Variants in CENPU observed in about 807,000 individuals in gnomAD.
CENPU encodes the protein centromere protein U.
A neutral mutation model predicts 56.7 loss-of-function variants in CENPU; 46 were observed. The observed-to-expected ratio is 0.81, with a 90% CI of 0.64 to 1.04. CENPU has a LOEUF of 1.04. CENPU is among the 50% of genes least tolerant of loss of function. The pLI is 0.00. For synonymous variants in CENPU, 166 were observed against 163.0 expected (o/e 1.02, Z -0.14); for missense variants, 510 against 490.1 (o/e 1.04, Z -0.38).
rs184642857 is a variant in CENPU, at chr4:184,721,754, G to A, written c.320+3203C>T. On this transcript the variant is annotated intron_variant, in intron 4 of 12. Coordinates refer to ENST00000281453, the MANE Select transcript of CENPU (RefSeq NM_024629.4). ...ACACTGGAACACCCAGATAGATGAA[G>A]CTAATATTAGAGCTAAAGGGAGAGA... is the stretch of plus-strand genomic sequence containing the variant. 3.0e-4 allele frequency among the ~76,000 whole-genome samples: 45 copies of A among 152,226 alleles called. No individual in the cohort carries two copies. In the East Asian group the frequency reaches 8.7e-3, roughly 29 times the overall value.
In CENPU at chr4:184,734,009, T is replaced by A; in HGVS notation, c.47+7A>T. 6.2e-7 allele frequency: 1 copy of A among 1,608,520 alleles called. No homozygotes were observed. Among genetic ancestry groups the A allele is most frequent in the Admixed American group, 1.7e-5 (1 of 59,430 alleles). Reference sequence around the variant, plus strand: ...GCCCCGCGCTCCCGAGGGTCGGCAGTACTTACCCCTCAGACCTGTGAGGCC... The same window carrying A: ...GCCCCGCGCTCCCGAGGGTCGGCAGAACTTACCCCTCAGACCTGTGAGGCC... On this transcript the variant is annotated splice_region_variant and intron_variant, in intron 1 of 12. Transcript: ENST00000281453.
At chr4:184,722,689 TAAAAACAAAA>T (rs1037378992) in intron 4 of CENPU, among the ~76,000 whole-genome samples, 1 of 139,414 alleles carries the variant, frequency 7.2e-6, no homozygotes, top group Non-Finnish European at 1.6e-5. Flanking sequence ...GATGAACCAG[TAAAAACAAAA>T]CAAAACAAAA....
intron 2 of CENPU, among the ~76,000 whole-genome samples, chr4:184,729,894 T>C (rs1018705347): frequency 2.6e-5 from 4 of 152,222 alleles, no homozygotes; most frequent in Non-Finnish European, 4.4e-5. Context: ...AAGGGTACTA[T>C]TAACAGATAC....
chr4:184,694,089 G>T lies in CENPU; in HGVS notation c.*1199C>A. 3.6e-6 allele frequency: 1 copy of T among 274,250 alleles called. No individual in the cohort carries two copies. The highest frequency in any genetic ancestry group is 5.6e-6 in the Non-Finnish European group (1 of 179,936). The allele number at this position is 274,250 out of a possible 1,614,324, so 17.0% of individuals were successfully genotyped here. A position where few individuals can be genotyped will look rare whatever the true frequency, so the allele number is the denominator to read the frequency against. ...GTAATATACAATCCAGTCATATTTT[G>T]GCAACTGTTTTTAATCTTTTTTCAA... On this transcript the variant is annotated 3_prime_UTR_variant, in exon 13 of 13. Coordinates refer to ENST00000281453, the MANE Select transcript of CENPU (RefSeq NM_024629.4).
intron 6 of CENPU, among the ~76,000 whole-genome samples, chr4:184,713,352 C>T (rs1561136472): frequency 6.6e-6 from 1 of 152,134 alleles, no homozygotes; most frequent in Non-Finnish European, 1.5e-5. Context: ...TGAGATTGCG[C>T]CACTGCACTC....
At position 184,702,404 on chromosome 4, in the gene CENPU, C is replaced by T. The variant is rs34007339; in HGVS notation, c.835G>A (p.Ala279Thr). 12,819 of 1,611,548 alleles carry T rather than the reference C, an allele frequency of 8.0e-3. 857 individuals carry two copies. In the African/African-American group the frequency reaches 0.15, roughly 18 times the overall value. Residue 279 changes from alanine (A) to threonine (T), a missense_variant, in exon 9 of 13, where the codon GCC (alanine) becomes ACC (threonine). By Grantham distance (58) the Ala-to-Thr change is moderately conservative. Transcript: ENST00000281453. ...IESKVCKAAI[A>T]TFYVNVKEQF... ...TCTTTAACATTAACATAAAATGTGG[C>T]GATGGCTGCCTTACAAACTTTAGAT...
intron 12 of CENPU, among the ~76,000 whole-genome samples, chr4:184,697,318 A>G (rs940713015): frequency 6.6e-6 from 1 of 152,202 alleles, no homozygotes; most frequent in East Asian, 1.9e-4. Flanking sequence ...GTGGTCTTAC[A>G]TGAATGAAAA....
intron 5 of CENPU, among the ~76,000 whole-genome samples, chr4:184,716,868 A>C (rs1761111643): frequency 6.6e-6 from 1 of 152,244 alleles, no homozygotes; most frequent in African/African-American, 2.4e-5. Flanking sequence ...ACCTAACCAC[A>C]GTACAAGAAT....
intron 11 of CENPU, chr4:184,699,668 CTT>C: frequency 9.2e-6 from 10 of 1,084,240 alleles, no homozygotes; most frequent in Admixed American, 2.7e-5. Flanking sequence ...GGCAGTCTCT[CTT>C]TTTTTTTTGA....
In CENPU at chr4:184,710,094, C is replaced by T; in HGVS notation, c.775G>A (p.Glu259Lys). Reference sequence around the variant, plus strand: ...TACTGATGCTCTAGGTGGGTTTTCTCAAATTCAGGCAAAACAATATTCAAC... The same window carrying T: ...TACTGATGCTCTAGGTGGGTTTTCTTAAATTCAGGCAAAACAATATTCAAC... ...KELNIVLPEF[E>K]KTHLEHQQRI... Residue 259 changes from glutamate to lysine, a missense_variant, in exon 8 of 13, where the codon GAG (glutamate) becomes AAG (lysine). By Grantham distance (56) the Glu-to-Lys change is moderately conservative. Coordinates refer to ENST00000281453, the MANE Select transcript of CENPU (RefSeq NM_024629.4). 1 of 1,610,438 alleles carries T rather than the reference C, an allele frequency of 6.2e-7. No individual in the cohort carries two copies. Among genetic ancestry groups the T allele is most frequent in the South Asian group, 1.1e-5 (1 of 90,448 alleles).
rs73873079 is a variant in CENPU, at chr4:184,697,452, C to T, written c.1143+195G>A. Reference sequence around the variant, plus strand: ...CAATCAGCAATTCTAGACATTACTCCTCCAGCCTTCATTAAGTAGCTAAGA... The same window carrying T: ...CAATCAGCAATTCTAGACATTACTCTTCCAGCCTTCATTAAGTAGCTAAGA... On this transcript the variant is annotated intron_variant, in intron 12 of 12. Coordinates refer to ENST00000281453, the MANE Select transcript of CENPU (RefSeq NM_024629.4). Among the ~76,000 whole-genome samples, 1,105 of 151,540 alleles carry T rather than the reference C, an allele frequency of 7.3e-3. 15 individuals carry two copies. Among genetic ancestry groups the T allele is most frequent in the African/African-American group, 0.025 (1,048 of 41,488 alleles).
At chr4:184,699,909 G>A (rs536294650) in intron 11 of CENPU, among the ~76,000 whole-genome samples, 7 of 152,124 alleles carry the variant, frequency 4.6e-5, no homozygotes, top group African/African-American at 2.4e-5. Context: ...TGCCCACCTC[G>A]GCCTCCCAAA....
At position 184,697,749 on chromosome 4, in the gene CENPU, T is replaced by C. The variant is rs376860155; in HGVS notation, c.1041A>G (p.Arg347=). The change falls in exon 12 of 13, where the codon AGA becomes AGG. Residue 347 remains arginine, a synonymous_variant. Coordinates refer to ENST00000281453, the MANE Select transcript of CENPU (RefSeq NM_024629.4). ...LQTKYDELKE[R]KSSLRNAAYF... ...ATGCTGCATTCCTAAGGGAAGACTT[T>C]CTCTCTTTAAGTTCATCATATTTTG... 6.2e-7 allele frequency: 1 copy of C among 1,612,898 alleles called. No homozygotes were observed. Among genetic ancestry groups the C allele is most frequent in the Non-Finnish European group, 8.5e-7 (1 of 1,179,518 alleles).
intron 4 of CENPU, among the ~76,000 whole-genome samples, chr4:184,722,695 C>CAAAA (rs993121004): frequency 3.4e-4 from 48 of 140,308 alleles, no homozygotes; most frequent in Admixed American, 3.5e-4. Flanking sequence ...CCAGTAAAAA[C>CAAAA]AAAACAAAAC....
rs914684331 is a variant in CENPU at position 184,716,250 on chromosome 4, T to C, written c.618+147A>G. ...TCGCCCGGCCATACCATCTAGATTT[T>C]CTAAAACAAACATCTTTATTACATT... On this transcript the variant is annotated intron_variant, in intron 6 of 12. Coordinates refer to ENST00000281453, the MANE Select transcript of CENPU (RefSeq NM_024629.4). 19 of 654,128 alleles carry C rather than the reference T, an allele frequency of 2.9e-5. No individual in the cohort carries two copies. In the African/African-American group the frequency reaches 3.3e-4, roughly 11 times the overall value. The allele number at this position is 654,128 out of a possible 1,614,324, so 40.5% of individuals were successfully genotyped here.
chr4:184,694,415 A>G lies in CENPU; in HGVS notation c.*873T>C, dbSNP rs2150191391. On this transcript the variant is annotated 3_prime_UTR_variant, in exon 13 of 13. Coordinates refer to ENST00000281453, the MANE Select transcript of CENPU (RefSeq NM_024629.4). ...ATTCCTCCTGCATATTCACTTTAGTATCTGTCACTTAATACCTTACTTCAA... is the reference window on the plus strand; with the variant it reads ...ATTCCTCCTGCATATTCACTTTAGTGTCTGTCACTTAATACCTTACTTCAA... 1 of 1,457,332 alleles carries G rather than the reference A, an allele frequency of 6.9e-7. No individual in the cohort carries two copies. Among genetic ancestry groups the G allele is most frequent in the Non-Finnish European group, 9.1e-7 (1 of 1,104,028 alleles). The allele number at this position is 1,457,332 out of a possible 1,614,324, so 90.3% of individuals were successfully genotyped here. A position where few individuals can be genotyped will look rare whatever the true frequency, so the allele number is the denominator to read the frequency against.
Position 184,697,750 on chromosome 4 carries a change from C to G in CENPU, c.1040G>C (p.Arg347Thr), listed in dbSNP as rs1312589108. Residue 347 changes from arginine (R) to threonine (T), a missense_variant, in exon 12 of 13, where the codon AGA (arginine) becomes ACA (threonine). Physicochemically the swap from Arg to Thr is moderately conservative, Grantham distance 71. Transcript: ENST00000281453. The part of the protein sequence containing the change: ...LQTKYDELKE[R>T]KSSLRNAAYF... ...TGCTGCATTCCTAAGGGAAGACTTT[C>G]TCTCTTTAAGTTCATCATATTTTGT... The G allele has an allele frequency of 1.2e-5, 19 of 1,612,542 alleles. No homozygotes were observed. In the East Asian group the frequency reaches 3.1e-4, roughly 26 times the overall value.
At chr4:184,709,302 C>T (rs1760839954) in intron 8 of CENPU, among the ~76,000 whole-genome samples, 5 of 152,038 alleles carry the variant, frequency 3.3e-5, no homozygotes, top group Admixed American at 3.3e-4. Flanking sequence ...TCCTGGCCAA[C>T]ATGGTGAAAC....
At chr4:184,701,890 A>T (rs1016150101) in intron 10 of CENPU, among the ~76,000 whole-genome samples, 199 bp downstream of exon 10, 10 of 152,216 alleles carry the variant, frequency 6.6e-5, no homozygotes, top group Non-Finnish European at 2.9e-5. Flanking sequence ...TTAGGAAACA[A>T]AAGTGACTAG....
Sources: allele counts gnomAD v4.1 joint callset (sites outside exome capture counted in the v4.1 genomes callset), GRCh38; gene constraint gnomAD v4.1.1; transcripts MANE v1.5; gene names NCBI Gene and HGNC (gene_info 2026-07-23, HGNC 2026-07-21).